The following SLC4A8 variants were observed in gnomAD, a reference collection of about 807,000 sequenced individuals.
SLC4A8 encodes solute carrier family 4 member 8, also known as electroneutral sodium bicarbonate exchanger 1.
A neutral mutation model predicts 125.0 loss-of-function variants in SLC4A8; 40 were observed. The observed-to-expected ratio is 0.32, with a 90% confidence interval of 0.25 to 0.42. SLC4A8 has a LOEUF of 0.42. Ranked by LOEUF, SLC4A8 falls within the 10% of genes least tolerant of loss-of-function variation. SLC4A8 has a pLI of 1.00. For missense variants in SLC4A8, 863 were observed against 1,355.1 expected (o/e 0.64, Z 5.70); for synonymous variants, 456 against 476.0 (o/e 0.96, Z 0.55).
chr12:51,480,190 C>T (rs553945813), intron 16 of SLC4A8: 13 of 1,019,606 alleles, frequency 1.3e-5, no homozygotes, highest in Admixed American at 8.4e-5. Flanking sequence ...CTGCCTGCCT[C>T]GGCCTCCCAA....
upstream of SLC4A8, among the ~76,000 whole-genome samples, chr12:51,421,180 GA>G (rs1948782678): frequency 6.6e-6 from 1 of 152,198 alleles, no homozygotes; most frequent in African/African-American, 2.4e-5. Flanking sequence ...TAATCAGTGT[GA>G]GGTGATGTCC....
At chr12:51,505,071 C>T (rs1006415863) in intron 23 of SLC4A8, among the ~76,000 whole-genome samples, 1 of 152,144 alleles carries the variant, frequency 6.6e-6, no homozygotes, top group Admixed American at 6.5e-5. Context: ...CAGTCTTTTT[C>T]GTAATAATAG....
At chr12:51,428,763 C>T (rs1286251304) in intron 1 of SLC4A8, among the ~76,000 whole-genome samples, 4 of 152,194 alleles carry the variant, frequency 2.6e-5, no homozygotes, top group Non-Finnish European at 1.5e-5. Flanking sequence ...GAATGCTTGC[C>T]ATGTGCCAGG....
chr12:51,457,310 A>C (rs376740483), intron 5 of SLC4A8, 41 bp from the exon 6 acceptor site: 36 of 1,582,884 alleles, frequency 2.3e-5, no homozygotes, highest in Admixed American at 1.0e-4. Context: ...TGGGTTCATT[A>C]ACCCTCAATC....
chr12:51,475,211 G>T lies in SLC4A8; in HGVS notation c.2172+5G>T, dbSNP rs1950823609. 6.2e-7 allele frequency: 1 copy of T among 1,613,464 alleles called. No individual in the cohort carries two copies. The highest frequency in any genetic ancestry group is 8.5e-7 in the Non-Finnish European group (1 of 1,179,584). On this transcript the variant is annotated splice_donor_5th_base_variant and intron_variant, in intron 16 of 24. Coordinates refer to ENST00000453097, the MANE Select transcript of SLC4A8 (RefSeq NM_001039960.3). ...AGCCGTTATTTCCCAACCAGAGTAG[G>T]TAGCATGTTCATGCATTTCTTTCAC...
chr12:51,458,532 G>A (rs748334615), intron 6 of SLC4A8, 27 bp from the exon 7 acceptor site: 1 of 1,545,374 alleles, frequency 6.5e-7, no homozygotes, highest in East Asian at 2.2e-5. Flanking sequence ...CAGGGACTCA[G>A]GATTTTGTTT....
intron 2 of SLC4A8, among the ~76,000 whole-genome samples, chr12:51,442,473 T>C (rs1317008836): frequency 6.6e-6 from 1 of 152,192 alleles, no homozygotes; most frequent in Non-Finnish European, 1.5e-5. Context: ...TCTTGAATCT[T>C]AACAACTGGT....
Position 51,515,362 on chromosome 12 carries a change from A to G in SLC4A8, c.*7924A>G, listed in dbSNP as rs536092101. On this transcript the variant is annotated 3_prime_UTR_variant, in exon 25 of 25. Coordinates refer to ENST00000453097, the MANE Select transcript of SLC4A8 (RefSeq NM_001039960.3). Reference sequence around the variant, plus strand: ...TAGATTTGGCTGCCCTTCCAAGCTAATGGTGTCAGGTGGAGAACAGAGCAA... The same window carrying G: ...TAGATTTGGCTGCCCTTCCAAGCTAGTGGTGTCAGGTGGAGAACAGAGCAA... 6.6e-6 allele frequency: 1 copy of G among 152,292 alleles called. No homozygotes were observed. Among genetic ancestry groups the G allele is most frequent in the South Asian group, 2.1e-4 (1 of 4,822 alleles). The allele number at this position is 152,292 out of a possible 1,614,324, so 9.4% of individuals were successfully genotyped here.
At chr12:51,462,263 A>T (rs1360773445) in intron 9 of SLC4A8, 47 bp from the exon 10 acceptor site, 18 of 1,557,434 alleles carry the variant, frequency 1.2e-5, no homozygotes, top group Non-Finnish European at 1.6e-5. Flanking sequence ...TGATTGTTTC[A>T]TGTAAAGTTA....
intron 1 of SLC4A8, among the ~76,000 whole-genome samples, chr12:51,426,941 CTT>C (rs555144134): frequency 8.4e-5 from 11 of 131,340 alleles, no homozygotes; most frequent in Admixed American, 7.6e-5. Flanking sequence ...TTTTTCTTTT[CTT>C]TTTTTTTTTT....
At chr12:51,495,604 T>A (rs1040917658) in intron 21 of SLC4A8, among the ~76,000 whole-genome samples, 1 of 150,138 alleles carries the variant, frequency 6.7e-6, no homozygotes. Context: ...GCCTCCCTAA[T>A]AGCTGGGATT....
intron 1 of SLC4A8, among the ~76,000 whole-genome samples, chr12:51,438,742 C>G (rs998869804): frequency 1.3e-5 from 2 of 152,134 alleles, no homozygotes; most frequent in Non-Finnish European, 2.9e-5. Flanking sequence ...ATATTCCCAC[C>G]AACAGTGTAT....
chr12:51,458,414 G>A (rs926538164), intron 6 of SLC4A8, 145 bp from the exon 7 acceptor site: 1 of 629,000 alleles, frequency 1.6e-6, no homozygotes. Flanking sequence ...AGAAAGATGT[G>A]TGTGGGTCTT....
chr12:51,399,593 T>G (rs2137923942), intron 1 of SLC4A8, among the ~76,000 whole-genome samples: 1 of 152,346 alleles, frequency 6.6e-6, no homozygotes, highest in South Asian at 2.1e-4. Context: ...GACGGACATA[T>G]CAGCAGCATT....
At position 51,397,055 on chromosome 12, in the gene SLC4A8, G is replaced by A. The variant is rs1029725113; in HGVS notation, c.-112+5567G>A. 2.7e-3 allele frequency among the ~76,000 whole-genome samples: 405 copies of A among 148,070 alleles called. 1 individual carries two copies. The highest frequency in any genetic ancestry group is 9.6e-3 in the African/African-American group (385 of 40,036). ...AGCGATTCTCGTGCCTCAGCCTCCC[G>A]AGTAGCTGGGATTACAGGTGTGTGC... On this transcript the variant is annotated intron_variant, in intron 1 of 24. Transcript: ENST00000358657.
At chr12:51,397,437 G>A (rs983781065) in intron 1 of SLC4A8, among the ~76,000 whole-genome samples, 1 of 152,098 alleles carries the variant, frequency 6.6e-6, no homozygotes, top group Non-Finnish European at 1.5e-5. Flanking sequence ...GGATTGGGAC[G>A]TGGACAAAGA....
At chr12:51,480,508 C>T (rs1950998896) in intron 16 of SLC4A8, 1 of 1,025,986 alleles carries the variant, frequency 9.7e-7, no homozygotes. Flanking sequence ...GAAGTTCTCA[C>T]TGTATGTGGA....
intron 16 of SLC4A8, among the ~76,000 whole-genome samples, chr12:51,481,723 G>A (rs1951032170): frequency 6.6e-6 from 1 of 151,890 alleles, no homozygotes; most frequent in Non-Finnish European, 1.5e-5. Context: ...CGGGCAGATC[G>A]CTTGAGCCCA....
At position 51,457,094 on chromosome 12, in the gene SLC4A8, T is replaced by C. The variant is rs186274491; in HGVS notation, c.575-257T>C. On this transcript the variant is annotated intron_variant, in intron 5 of 24. Transcript: ENST00000453097. ...TAGCATTTGGGCCTTAATTTCCTCATTTGTAAAAATTGTTGTACTAGTGCT... is the reference window on the plus strand; with the variant it reads ...TAGCATTTGGGCCTTAATTTCCTCACTTGTAAAAATTGTTGTACTAGTGCT... Among the ~76,000 whole-genome samples the C allele has an allele frequency of 3.2e-3, 480 of 152,364 alleles. 7 individuals are homozygous for C. Among genetic ancestry groups the C allele is most frequent in the Admixed American group, 0.026 (396 of 15,312 alleles).
Sources: gnomAD v4.1 joint callset for allele counts (sites outside exome capture counted in the v4.1 genomes callset) on GRCh38, gnomAD v4.1.1 for gene constraint, MANE v1.5 for transcripts, NCBI Gene and HGNC (gene_info 2026-07-23, HGNC 2026-07-21) for gene names.